The following ANKRD6 variants were observed in gnomAD, a reference collection of about 807,000 sequenced individuals.
ANKRD6 encodes the protein ankyrin repeat domain 6.
A neutral mutation model predicts 82.3 loss-of-function variants in ANKRD6; 56 were observed. The observed-to-expected ratio is 0.68, with a 90% CI of 0.55 to 0.85. ANKRD6 has a LOEUF of 0.85. ANKRD6 is among the 40% of genes least tolerant of loss of function. The probability of loss-of-function intolerance (pLI) is 0.00; values close to 1 mark genes in which losing one functional copy is unlikely to be tolerated. For synonymous variants in ANKRD6, 347 were observed against 352.1 expected (o/e 0.99, Z 0.16); for missense variants, 852 against 907.6 (o/e 0.94, Z 0.79).
chr6:89,435,954 G>A (rs1378110628), intron 1 of ANKRD6, among the ~76,000 whole-genome samples: 1 of 152,082 alleles, frequency 6.6e-6, no homozygotes, highest in African/African-American at 2.4e-5. Context: ...ACACTGTTTT[G>A]TTACTTCTTG....
chr6:89,521,223 GC>G (rs1330570001), intron 1 of ANKRD6, among the ~76,000 whole-genome samples: 1 of 152,164 alleles, frequency 6.6e-6, no homozygotes, highest in Non-Finnish European at 1.5e-5. Context: ...CCCAGGAGAT[GC>G]CCCTTAACCA....
At chr6:89,452,715 G>A (rs1221624599) in intron 1 of ANKRD6, among the ~76,000 whole-genome samples, 3 of 151,670 alleles carry the variant, frequency 2.0e-5, no homozygotes, top group Non-Finnish European at 4.4e-5. Flanking sequence ...CCCAGACCCC[G>A]CACCCAAACC....
intron 2 of ANKRD6, among the ~76,000 whole-genome samples, chr6:89,569,450 A>C (rs377752121): frequency 4.6e-5 from 7 of 152,338 alleles, no homozygotes; most frequent in African/African-American, 1.7e-4. Context: ...ATGACTGAGT[A>C]ATAATCCATT....
intron 5 of ANKRD6, among the ~76,000 whole-genome samples, chr6:89,607,116 G>A (rs1016638514): frequency 6.6e-6 from 1 of 150,778 alleles, no homozygotes; most frequent in Non-Finnish European, 1.5e-5. Flanking sequence ...GTTGCAGTGA[G>A]CTTAGTTCGT....
chr6:89,544,751 C>A (rs1583196646), intron 1 of ANKRD6, among the ~76,000 whole-genome samples: 2 of 151,910 alleles, frequency 1.3e-5, no homozygotes, highest in African/African-American at 2.4e-5. Context: ...AACAAAAAAA[C>A]CAGTGGGTCC....
intron 9 of ANKRD6, among the ~76,000 whole-genome samples, chr6:89,619,286 T>A (rs1262206510): frequency 6.6e-6 from 1 of 152,130 alleles, no homozygotes; most frequent in Non-Finnish European, 1.5e-5. Context: ...AAAATGCTAG[T>A]CTCTCATGGA....
intron 2 of ANKRD6, among the ~76,000 whole-genome samples, chr6:89,576,062 T>C (rs1278234904): frequency 1.3e-5 from 2 of 152,140 alleles, no homozygotes; most frequent in Non-Finnish European, 2.9e-5. Context: ...TCTTTCTTTT[T>C]TTTTTTTGAG....
chr6:89,434,218 G>A (rs1770338505), intron 1 of ANKRD6, among the ~76,000 whole-genome samples: 1 of 152,168 alleles, frequency 6.6e-6, no homozygotes, highest in African/African-American at 2.4e-5. Flanking sequence ...ACTCTAAACT[G>A]CAGGTATTGT....
chr6:89,495,925 C>T (rs1434170891), intron 1 of ANKRD6, among the ~76,000 whole-genome samples: 1 of 152,082 alleles, frequency 6.6e-6, no homozygotes, highest in South Asian at 2.1e-4. Flanking sequence ...GACTTGCGCA[C>T]ATTCTCTTGT....
At chr6:89,515,136 C>A (rs1781051125) in intron 1 of ANKRD6, among the ~76,000 whole-genome samples, 1 of 152,088 alleles carries the variant, frequency 6.6e-6, no homozygotes, top group African/African-American at 2.4e-5. Flanking sequence ...TGTGGTTTTT[C>A]TTTCATTTGA....
chr6:89,482,419 A>G (rs1440381476), intron 1 of ANKRD6, among the ~76,000 whole-genome samples: 1 of 152,206 alleles, frequency 6.6e-6, no homozygotes, highest in Admixed American at 6.5e-5. Flanking sequence ...TACATTACAC[A>G]GATTATGTTG....
chr6:89,569,548 TG>T (rs1446008288), intron 2 of ANKRD6, among the ~76,000 whole-genome samples: 1 of 152,256 alleles, frequency 6.6e-6, no homozygotes, highest in Non-Finnish European at 1.5e-5. Flanking sequence ...AATGCTTTTG[TG>T]AAAATTTATA....
chr6:89,450,134 C>T (rs182002466), intron 1 of ANKRD6, among the ~76,000 whole-genome samples: 60 of 152,012 alleles, frequency 3.9e-4, no homozygotes, highest in African/African-American at 1.4e-3. Flanking sequence ...GTCAGGAGAT[C>T]CAGACCAGCC....
chr6:89,557,365 A>G lies in ANKRD6; in HGVS notation c.-143-9469A>G, dbSNP rs531164274. ...TGCCCAAAAACCTCAAGGACCTGCA[A>G]CATTTAAGGTGTCAGTGAAAAAAGC... On this transcript the variant is annotated intron_variant, in intron 1 of 15. Coordinates refer to ENST00000339746, the MANE Select transcript of ANKRD6 (RefSeq NM_001242809.2). Among the ~76,000 whole-genome samples, 6 of 152,258 alleles carry G rather than the reference A, an allele frequency of 3.9e-5. No homozygotes were observed. The South Asian group carries it at 1.0e-3, about 26-fold the overall frequency.
chr6:89,486,540 A>C (rs1304299386), intron 1 of ANKRD6, among the ~76,000 whole-genome samples: 1 of 152,160 alleles, frequency 6.6e-6, no homozygotes, highest in African/African-American at 2.4e-5. Flanking sequence ...TGGCTTAAGC[A>C]ATCAGAAATT....
chr6:89,549,964 C>T (rs1785618742), intron 1 of ANKRD6, among the ~76,000 whole-genome samples: 1 of 151,846 alleles, frequency 6.6e-6, no homozygotes, highest in African/African-American at 2.4e-5. Context: ...GACTTGGTGG[C>T]AGGCCACTGT....
Position 89,630,696 on chromosome 6 carries a change from A to T in ANKRD6, c.1876A>T (p.Ser626Cys). Reference protein sequence around the residue: ...RGTQTKKSGKSGPTRHRAQQP... With the variant: ...RGTQTKKSGKCGPTRHRAQQP... ...CACTCAAACTAAGAAGTCTGGGAAG[A>T]GTGGGCCAACAAGGCATCGTGCCCA... The change falls in exon 16 of 16, where the codon AGT (serine) becomes TGT (cysteine). Residue 626 changes from serine to cysteine, a missense_variant. Coordinates refer to ENST00000339746, the MANE Select transcript of ANKRD6 (RefSeq NM_001242809.2). 1 of 1,614,022 alleles carries T rather than the reference A, an allele frequency of 6.2e-7. No homozygotes were observed. The highest frequency in any genetic ancestry group is 8.5e-7 in the Non-Finnish European group (1 of 1,179,886).
chr6:89,552,435 C>T (rs896413623), intron 1 of ANKRD6, among the ~76,000 whole-genome samples: 1 of 152,194 alleles, frequency 6.6e-6, no homozygotes, highest in African/African-American at 2.4e-5. Flanking sequence ...TTGATCCCAG[C>T]AAAGCTCAGT....
chr6:89,501,668 A>G (rs1779276372), intron 1 of ANKRD6, among the ~76,000 whole-genome samples: 2 of 152,208 alleles, frequency 1.3e-5, no homozygotes, highest in Admixed American at 6.5e-5. Context: ...TATTTCAGAT[A>G]CCTGGGGAGG....
Sources: gnomAD v4.1 joint callset for allele counts (sites outside exome capture counted in the v4.1 genomes callset) on GRCh38, gnomAD v4.1.1 for gene constraint, MANE v1.5 for transcripts, NCBI Gene and HGNC (gene_info 2026-07-23, HGNC 2026-07-21) for gene names.